The following FERMT2 variants were observed in gnomAD, a reference collection of about 807,000 sequenced individuals.
FERMT2 encodes the protein fermitin family homolog 2.
A neutral mutation model predicts 82.7 loss-of-function variants in FERMT2; 15 were observed. The observed-to-expected ratio is 0.18, with a 90% confidence interval of 0.12 to 0.28. The LOEUF (loss-of-function observed/expected upper bound fraction) is 0.28. Among genes scored for constraint, FERMT2 ranks in the 10% least tolerant of loss-of-function variants. FERMT2 has a pLI of 1.00. For synonymous variants in FERMT2, 274 were observed against 271.5 expected, an observed-to-expected ratio of 1.01 and a Z score of -0.09; for missense variants, 645 against 809.4, an observed-to-expected ratio of 0.80 and a Z score of 2.46.
At chr14:52,888,039 G>A (rs958825272) in intron 4 of FERMT2, among the ~76,000 whole-genome samples, 1 of 152,056 alleles carries the variant, frequency 6.6e-6, no homozygotes, top group African/African-American at 2.4e-5. Context: ...TGACCATGGA[G>A]GAGGAAAAAC....
intron 10 of FERMT2, among the ~76,000 whole-genome samples, chr14:52,866,199 T>TA (rs1218864571): frequency 1.3e-5 from 2 of 152,144 alleles, no homozygotes; most frequent in Non-Finnish European, 2.9e-5. Context: ...CTCAGAGGCC[T>TA]ACAGGGGCCA....
At chr14:52,927,804 T>C (rs1219979826) in intron 2 of FERMT2, among the ~76,000 whole-genome samples, 1 of 151,916 alleles carries the variant, frequency 6.6e-6, no homozygotes, top group African/African-American at 2.4e-5. Context: ...CAGATTTGAC[T>C]TGGGCCTTCA....
chr14:52,949,288 C>T (rs1890501620), intron 2 of FERMT2, among the ~76,000 whole-genome samples: 1 of 150,584 alleles, frequency 6.6e-6, no homozygotes, highest in South Asian at 2.1e-4. Flanking sequence ...AGTACCTTTA[C>T]ATACAATAAT....
chr14:52,858,061 T>C lies in FERMT2; in HGVS notation c.*316A>G, dbSNP rs148329401. On this transcript the variant is annotated 3_prime_UTR_variant, in exon 15 of 15. Transcript: ENST00000341590. ...GGTTAAGCCCTGGATAGCTTTAAAA[T>C]AGATGGCTTGTTTCTTACAGTTTGG... 5.6e-5 allele frequency: 16 copies of C among 284,174 alleles called. No individual in the cohort carries two copies. Among genetic ancestry groups the C allele is most frequent in the African/African-American group, 3.0e-4 (14 of 46,880 alleles). The allele number at this position is 284,174 out of a possible 1,614,324, so 17.6% of individuals were successfully genotyped here. A position where few individuals can be genotyped will look rare whatever the true frequency, so the allele number is the denominator to read the frequency against.
chr14:52,857,545 A>ATATCTC lies in FERMT2; in HGVS notation c.*826_*831dup, dbSNP rs1435246796. ...TAGATATTAAAACTGCACGTTAATTATATCTCTTAAAGGCATTTAATTAAC... is the reference window on the plus strand; with the variant it reads ...TAGATATTAAAACTGCACGTTAATTATATCTCTATCTCTTAAAGGCATTTAATTAAC... On this transcript the variant is annotated 3_prime_UTR_variant, in exon 15 of 15. Coordinates refer to ENST00000341590, the MANE Select transcript of FERMT2 (RefSeq NM_006832.3). 2.0e-5 allele frequency: 3 copies of ATATCTC among 152,660 alleles called. No homozygotes were observed. The highest frequency in any genetic ancestry group is 7.2e-5 in the African/African-American group (3 of 41,460). The allele number at this position is 152,660 out of a possible 1,614,324, so 9.5% of individuals were successfully genotyped here. A position where few individuals can be genotyped will look rare whatever the true frequency, so the allele number is the denominator to read the frequency against.
intron 3 of FERMT2, among the ~76,000 whole-genome samples, chr14:52,898,825 C>G (rs140936703): frequency 1.1e-4 from 16 of 152,080 alleles, no homozygotes; most frequent in African/African-American, 3.9e-4. Flanking sequence ...ATAACAAATC[C>G]TTACATAACA....
chr14:52,874,276 T>C (rs1462297998), intron 8 of FERMT2, 50 bp from the exon 9 acceptor site: 15 of 1,224,438 alleles, frequency 1.2e-5, no homozygotes, highest in Non-Finnish European at 1.5e-5. Context: ...TTGAAATTCT[T>C]TCTAATGTTT....
intron 3 of FERMT2, among the ~76,000 whole-genome samples, chr14:52,918,603 T>C (rs1888762134): frequency 6.6e-6 from 1 of 152,252 alleles, no homozygotes; most frequent in African/African-American, 2.4e-5. Flanking sequence ...GGTTGAATAC[T>C]TCCTGTCATA....
At chr14:52,878,303 T>C (rs546194868) in intron 7 of FERMT2, among the ~76,000 whole-genome samples, 4 of 152,318 alleles carry the variant, frequency 2.6e-5, no homozygotes, top group Admixed American at 2.6e-4. Context: ...AGCAGATTTA[T>C]ATTTGGGGGT....
chr14:52,889,895 A>G (rs748196730), intron 4 of FERMT2, among the ~76,000 whole-genome samples: 3 of 152,042 alleles, frequency 2.0e-5, no homozygotes, highest in Admixed American at 2.0e-4. Context: ...TTGGGAGGCC[A>G]AGGTGGGTGG....
intron 10 of FERMT2, among the ~76,000 whole-genome samples, chr14:52,867,374 C>G (rs1885352249): frequency 6.6e-6 from 1 of 152,208 alleles, no homozygotes; most frequent in African/African-American, 2.4e-5. Flanking sequence ...AACTACCTTA[C>G]TTTACTACAG....
intron 2 of FERMT2, among the ~76,000 whole-genome samples, chr14:52,920,318 A>G (rs1048269855): frequency 6.6e-6 from 1 of 152,224 alleles, no homozygotes; most frequent in African/African-American, 2.4e-5. Context: ...TTCAAAAAAC[A>G]AAACAAAACA....
At chr14:52,873,837 G>A (rs185373931) in intron 9 of FERMT2, 216 of 187,684 alleles carry the variant, frequency 1.2e-3, no homozygotes, top group African/African-American at 4.6e-3. Context: ...GGAAATAATC[G>A]CTGGCAGTGA....
intron 3 of FERMT2, among the ~76,000 whole-genome samples, chr14:52,899,495 G>A (rs544628751): frequency 6.6e-6 from 1 of 152,254 alleles, no homozygotes; most frequent in African/African-American, 2.4e-5. Context: ...TATTAGCCAG[G>A]ATAGTCACGA....
chr14:52,882,170 T>C lies in FERMT2; in HGVS notation c.527-701A>G, dbSNP rs149510519. Among the ~76,000 whole-genome samples the C allele has an allele frequency of 2.1e-4, 32 of 152,326 alleles. 1 individual carries two copies. In the East Asian group the frequency reaches 5.2e-3, roughly 25 times the overall value. Reference sequence around the variant, plus strand: ...TTCATATAGATTAAGAATAATTTTATAGTAAAGTCTTCTCAGTGAATAAAC... The same window carrying C: ...TTCATATAGATTAAGAATAATTTTACAGTAAAGTCTTCTCAGTGAATAAAC... On this transcript the variant is annotated intron_variant, in intron 4 of 14. Transcript: ENST00000341590.
intron 2 of FERMT2, among the ~76,000 whole-genome samples, chr14:52,948,771 G>A (rs1486929516): frequency 6.6e-6 from 1 of 152,004 alleles, no homozygotes; most frequent in Non-Finnish European, 1.5e-5. Context: ...CCTGGCTTTC[G>A]AGAACTACAA....
chr14:52,926,775 GA>G (rs1889300514), intron 2 of FERMT2, among the ~76,000 whole-genome samples: 1 of 152,108 alleles, frequency 6.6e-6, no homozygotes, highest in Admixed American at 6.5e-5. Context: ...CTCTGGGGAA[GA>G]AAAGGGATTT....
chr14:52,907,601 C>G (rs1888089364), intron 3 of FERMT2, among the ~76,000 whole-genome samples: 1 of 152,102 alleles, frequency 6.6e-6, no homozygotes, highest in South Asian at 2.1e-4. Context: ...TGAAACTAAA[C>G]TGCTGTAAGG....
intron 2 of FERMT2, among the ~76,000 whole-genome samples, chr14:52,929,654 TCTAA>T (rs1319935961): frequency 3.3e-5 from 5 of 152,188 alleles, no homozygotes; most frequent in African/African-American, 4.8e-5. Flanking sequence ...TCCTGGAATG[TCTAA>T]CTCTCTCTCA....
Sources: gnomAD v4.1 joint callset for allele counts (sites outside exome capture counted in the v4.1 genomes callset) on GRCh38, gnomAD v4.1.1 for gene constraint, MANE v1.5 for transcripts, NCBI Gene and HGNC (gene_info 2026-07-23, HGNC 2026-07-21) for gene names.